Variants in GRM7 observed in about 807,000 individuals in gnomAD.
GRM7 encodes the protein metabotropic glutamate receptor 7.
A neutral mutation model predicts 84.5 loss-of-function variants in GRM7; 35 were observed. The observed-to-expected ratio is 0.41, with a 90% CI of 0.32 to 0.55. GRM7 has a LOEUF of 0.55. Among genes scored for constraint, GRM7 ranks in the 20% least tolerant of loss-of-function variants. GRM7 has a pLI of 0.19. For synonymous variants in GRM7, 487 were observed against 455.1 expected (o/e 1.07, Z -0.89); for missense variants, 1,003 against 1,194.6 (o/e 0.84, Z 2.36).
At chr3:7,146,412 TGAC>T in intron 1 of GRM7, 37 bp from the exon 2 acceptor site, 1 of 1,413,046 alleles carries the variant, frequency 7.1e-7, no homozygotes, top group Middle Eastern at 2.3e-4. Context: ...TCTTACATCC[TGAC>T]GGTGCACTCT....
At chr3:7,280,520 C>A (rs1699217394) in intron 2 of GRM7, among the ~76,000 whole-genome samples, 2 of 152,180 alleles carry the variant, frequency 1.3e-5, no homozygotes, top group Non-Finnish European at 1.5e-5. Flanking sequence ...TATGTGATGA[C>A]TTTGCACTTT....
chr3:7,064,489 TAC>T (rs1322907283), intron 1 of GRM7, among the ~76,000 whole-genome samples: 498 of 91,088 alleles, frequency 5.5e-3, no homozygotes, highest in Middle Eastern at 0.024. Flanking sequence ...TACACACATA[TAC>T]ATATATATAT....
At chr3:7,126,494 A>G (rs1344714620) in intron 1 of GRM7, among the ~76,000 whole-genome samples, 1 of 152,226 alleles carries the variant, frequency 6.6e-6, no homozygotes, top group Non-Finnish European at 1.5e-5. Flanking sequence ...CCATGGGAGT[A>G]TGAACCGGTG....
At chr3:6,974,911 C>T (rs73128508) in intron 1 of GRM7, among the ~76,000 whole-genome samples, 44,107 of 151,878 alleles carry the variant, frequency 0.29, 7,842 homozygotes, top group African/African-American at 0.51. Flanking sequence ...ATAAATAGAT[C>T]GTGCTTTGGG....
At chr3:6,941,137 C>T (rs554778932) in intron 1 of GRM7, among the ~76,000 whole-genome samples, 17 of 152,242 alleles carry the variant, frequency 1.1e-4, no homozygotes, top group African/African-American at 2.6e-4. Flanking sequence ...CTAGCCTCCC[C>T]GCCTGGGAAC....
intron 8 of GRM7, among the ~76,000 whole-genome samples, chr3:7,679,505 AAGAAGATCTT>A (rs1222205871): frequency 2.6e-5 from 4 of 152,180 alleles, no homozygotes; most frequent in African/African-American, 4.8e-5. Context: ...AGAATTAAGC[AAGAAGATCTT>A]AGTTTTCAGA....
chr3:7,394,805 A>G (rs546246261), intron 4 of GRM7, among the ~76,000 whole-genome samples: 4 of 152,268 alleles, frequency 2.6e-5, no homozygotes, highest in African/African-American at 9.6e-5. Context: ...TGGGAGGCCA[A>G]GGCGGGCAGG....
chr3:7,658,606 C>T (rs942940953), intron 8 of GRM7, among the ~76,000 whole-genome samples: 1 of 152,072 alleles, frequency 6.6e-6, no homozygotes, highest in Non-Finnish European at 1.5e-5. Context: ...TTAACGATAC[C>T]CTCTGTGAAA....
At chr3:7,454,072 A>G (rs1396325211) in intron 6 of GRM7, among the ~76,000 whole-genome samples, 6 of 134,578 alleles carry the variant, frequency 4.5e-5, no homozygotes, top group Non-Finnish European at 8.4e-5. Flanking sequence ...AGAACCATAC[A>G]TGAAAAGCTA....
chr3:7,252,666 T>TTTTC (rs1553637854), intron 2 of GRM7, among the ~76,000 whole-genome samples: 2 of 142,888 alleles, frequency 1.4e-5, no homozygotes, highest in African/African-American at 2.6e-5. Context: ...CTTTTCTATT[T>TTTTC]TTTTCTTTTC....
Position 6,863,028 on chromosome 3 carries a change from G to A in GRM7, c.519+1121G>A. ...TAGGAATGAGTGGCTTTGGGGTTTG[G>A]AAATTGAGTTTCAGGGTCTCTGTGA... On this transcript the variant is annotated intron_variant, in intron 1 of 9. Coordinates refer to ENST00000357716, the MANE Select transcript of GRM7 (RefSeq NM_000844.4). This position sits in a 1 kb window ranked among gnomAD's most constrained non-coding sequence, Gnocchi z 4.8. The A allele has an allele frequency of 2.2e-6, 1 of 455,840 alleles. No individual in the cohort carries two copies. The highest frequency in any genetic ancestry group is 4.4e-6 in the Non-Finnish European group (1 of 226,604). The allele number at this position is 455,840 out of a possible 1,614,324, so 28.2% of individuals were successfully genotyped here.
At chr3:7,455,777 G>A (rs1302574600) in intron 6 of GRM7, among the ~76,000 whole-genome samples, 15 of 152,074 alleles carry the variant, frequency 9.9e-5, no homozygotes, top group Admixed American at 9.8e-4. Flanking sequence ...ATGGGAAGGT[G>A]GAGGAATTTT....
At chr3:7,380,743 A>G (rs1368188565) in intron 4 of GRM7, among the ~76,000 whole-genome samples, 1 of 152,176 alleles carries the variant, frequency 6.6e-6, no homozygotes, top group Non-Finnish European at 1.5e-5. Flanking sequence ...GTTAAAACTC[A>G]AGGAATGTGT....
At chr3:6,949,972 A>G (rs546665339) in intron 1 of GRM7, among the ~76,000 whole-genome samples, 1 of 152,118 alleles carries the variant, frequency 6.6e-6, no homozygotes, top group South Asian at 2.1e-4. Context: ...TTTTTTTCAA[A>G]GTTTTTAATT....
rs75521308 is a variant in GRM7, at chr3:7,728,833, T to C, written c.2699-11524T>C. Among the ~76,000 whole-genome samples, 475 of 152,338 alleles carry C rather than the reference T, an allele frequency of 3.1e-3. 3 individuals are homozygous for C. The highest frequency in any genetic ancestry group is 0.011 in the African/African-American group (450 of 41,590). ...GGTCTGCCACACCACATGGTGTTGGTGAAAGCAGCGGCATCTCTATTTGCT... is the reference window on the plus strand; with the variant it reads ...GGTCTGCCACACCACATGGTGTTGGCGAAAGCAGCGGCATCTCTATTTGCT... On this transcript the variant is annotated intron_variant, in intron 9 of 9. Transcript: ENST00000357716.
At chr3:6,966,645 G>A (rs529911371) in intron 1 of GRM7, among the ~76,000 whole-genome samples, 54 of 152,268 alleles carry the variant, frequency 3.5e-4, no homozygotes, top group African/African-American at 1.2e-3. Context: ...TGTATATGAT[G>A]AATCAGTGTA....
intron 1 of GRM7, among the ~76,000 whole-genome samples, chr3:7,084,268 G>T (rs569938024): frequency 6.6e-6 from 1 of 152,066 alleles, no homozygotes; most frequent in Admixed American, 6.6e-5. Context: ...CTCAAGCATG[G>T]TTCCTGGGGC....
intron 9 of GRM7, among the ~76,000 whole-genome samples, chr3:7,687,014 T>G (rs1256975234): frequency 6.6e-6 from 1 of 152,142 alleles, no homozygotes; most frequent in Non-Finnish European, 1.5e-5. Context: ...AATAAATCGG[T>G]TTACTGGCCG....
At chr3:6,920,274 G>C (rs1575015220) in intron 1 of GRM7, among the ~76,000 whole-genome samples, 1 of 152,054 alleles carries the variant, frequency 6.6e-6, no homozygotes, top group South Asian at 2.1e-4. Flanking sequence ...TGATTGATGG[G>C]CCAGGCACAG....
Sources: gnomAD v4.1 joint callset for allele counts (sites outside exome capture counted in the v4.1 genomes callset) on GRCh38, gnomAD v4.1.1 for gene constraint, Gnocchi (gnomAD v3.1) non-coding constraint, MANE v1.5 for transcripts, NCBI Gene and HGNC (gene_info 2026-07-23, HGNC 2026-07-21) for gene names.